Variants in SH3KBP1 observed in about 807,000 individuals in gnomAD.
SH3KBP1 encodes SH3 domain containing kinase binding protein 1, also known as SH3 domain-containing kinase-binding protein 1.
SH3KBP1 carries 8 observed loss-of-function variants against 50.1 expected under a neutral mutation model. The observed-to-expected ratio is 0.16, with a 90% CI of 0.09 to 0.29. The LOEUF is 0.29. Among genes scored for constraint, SH3KBP1 ranks in the 10% least tolerant of loss-of-function variants. SH3KBP1 has a pLI of 1.00. For missense variants in SH3KBP1, 377 were observed against 535.2 expected, an observed-to-expected ratio of 0.70 and a Z score of 2.92; for synonymous variants, 227 against 218.6, an observed-to-expected ratio of 1.04 and a Z score of -0.34.
intron 8 of SH3KBP1, among the ~76,000 whole-genome samples, chrX:19,609,311 A>G (rs1469527317): frequency 9.0e-6 from 1 of 111,721 alleles, no homozygotes; most frequent in Non-Finnish European, 1.9e-5. Context: ...CTTCCTGCCC[A>G]GTATATATAT....
At chrX:19,879,273 G>A (rs2069361836) in intron 1 of SH3KBP1, among the ~76,000 whole-genome samples, 2 of 111,689 alleles carry the variant, frequency 1.8e-5, no homozygotes, top group South Asian at 3.7e-4. Flanking sequence ...AACTTACTAC[G>A]GAAAGAGACT....
chrX:19,604,899 C>G (rs1410491005), intron 9 of SH3KBP1, among the ~76,000 whole-genome samples: 1 of 112,046 alleles, frequency 8.9e-6, no homozygotes, highest in East Asian at 2.8e-4. Context: ...ACGGGTATGA[C>G]TATTGTTTCC....
intron 1 of SH3KBP1, among the ~76,000 whole-genome samples, chrX:19,853,725 G>A (rs1339225736): frequency 9.0e-6 from 1 of 111,142 alleles, no homozygotes; most frequent in Admixed American, 9.5e-5. Context: ...CACTTTGGGA[G>A]GCCAAGGCGG....
chrX:19,616,275 T>C (rs1209793326), intron 8 of SH3KBP1, among the ~76,000 whole-genome samples: 1 of 111,981 alleles, frequency 8.9e-6, no homozygotes, highest in Non-Finnish European at 1.9e-5. Context: ...AGTCACTCAC[T>C]CTTTTGTAAT....
chrX:19,550,119 T>C, intron 13 of SH3KBP1, 36 bp from the exon 14 acceptor site: 1 of 944,280 alleles, frequency 1.1e-6, no homozygotes, highest in Non-Finnish European at 1.5e-6. Context: ...AGAGCCAAAA[T>C]AGGAGCAAAG....
At chrX:19,643,883 G>T (rs2061928209) in intron 7 of SH3KBP1, among the ~76,000 whole-genome samples, 1 of 111,778 alleles carries the variant, frequency 8.9e-6, no homozygotes, top group African/African-American at 3.3e-5. Flanking sequence ...TGAAGAGGAA[G>T]GCCAAAGGAA....
intron 2 of SH3KBP1, among the ~76,000 whole-genome samples, chrX:19,766,483 CTTTTTTTTTTTTTTTTTTTTTTTTTTT>C (rs61439964): frequency 4.4e-5 from 1 of 22,590 alleles, no homozygotes; most frequent in Non-Finnish European, 8.0e-5. Flanking sequence ...TTGATTGCAT[CTTTTTTTTTTTTTTTTTTTTTTTTTTT>C]TTTTTTTTTT....
At chrX:19,831,548 T>G (rs1305313551) in intron 2 of SH3KBP1, among the ~76,000 whole-genome samples, 1 of 105,935 alleles carries the variant, frequency 9.4e-6, no homozygotes, top group Non-Finnish European at 1.9e-5. Flanking sequence ...TCCCAGCACT[T>G]TGGGAGGCCG....
At chrX:19,670,307 A>G (rs1369611463) in intron 6 of SH3KBP1, 9 of 739,356 alleles carry the variant, frequency 1.2e-5, no homozygotes, top group Admixed American at 8.8e-5. Context: ...AGAAGTCACT[A>G]CTCACAGCTG....
intron 6 of SH3KBP1, among the ~76,000 whole-genome samples, chrX:19,660,409 T>C (rs953246335): frequency 2.7e-5 from 3 of 112,116 alleles, no homozygotes; most frequent in African/African-American, 9.7e-5. Flanking sequence ...CTTGGGGACT[T>C]ATGAGCAAGA....
intron 9 of SH3KBP1, among the ~76,000 whole-genome samples, chrX:19,605,191 T>C (rs954493401): frequency 2.7e-5 from 3 of 110,064 alleles, no homozygotes; most frequent in Non-Finnish European, 3.8e-5. Flanking sequence ...TGACTGGGAA[T>C]TAGAAGGCAT....
chrX:19,550,296 T>C (rs750035006), intron 13 of SH3KBP1, among the ~76,000 whole-genome samples: 1 of 111,937 alleles, frequency 8.9e-6, no homozygotes, highest in Non-Finnish European at 1.9e-5. Context: ...AGCTATTGCA[T>C]GGAAGAGAGA....
At chrX:19,811,288 C>A (rs2067199432) in intron 2 of SH3KBP1, among the ~76,000 whole-genome samples, 1 of 111,870 alleles carries the variant, frequency 8.9e-6, no homozygotes, top group African/African-American at 3.3e-5. Flanking sequence ...CCTTTCATAT[C>A]TGTGCCCATG....
chrX:19,878,505 T>TGTGTGTGAGA (rs1491094714), intron 1 of SH3KBP1, among the ~76,000 whole-genome samples: 1 of 48,214 alleles, frequency 2.1e-5, no homozygotes, highest in African/African-American at 6.0e-5. Context: ...TGTGTGTGTG[T>TGTGTGTGAGA]GAGAGAGAGA....
intron 13 of SH3KBP1, among the ~76,000 whole-genome samples, chrX:19,557,743 A>T (rs940500621): frequency 1.1e-4 from 12 of 112,031 alleles, no homozygotes; most frequent in African/African-American, 1.6e-4. Context: ...CTGAGCATAC[A>T]CTATGAGCTA....
Position 19,551,520 on chromosome X carries a change from A to ATTT in SH3KBP1, c.1385-1440_1385-1438dup, listed in dbSNP as rs1221200761. Among the ~76,000 whole-genome samples, 3 of 100,990 alleles carry ATTT rather than the reference A, an allele frequency of 3.0e-5. No individual in the cohort carries two copies. The South Asian group carries it at 1.3e-3, about 45-fold the overall frequency. The allele number at this position is 100,990 out of a possible 115,157, so 87.7% of individuals were successfully genotyped here. A position where few individuals can be genotyped will look rare whatever the true frequency, so the allele number is the denominator to read the frequency against. ...TTAAGAGAACCTTATTATTATTATT[A>ATTT]TTTTCTTTCTTTTCTTTCCCTCCCT... On this transcript the variant is annotated intron_variant, in intron 13 of 17. Coordinates refer to ENST00000397821, the MANE Select transcript of SH3KBP1 (RefSeq NM_031892.3).
At chrX:19,694,622 T>C (rs1287054222) in intron 5 of SH3KBP1, among the ~76,000 whole-genome samples, 2 of 110,796 alleles carry the variant, frequency 1.8e-5, no homozygotes, top group Non-Finnish European at 3.8e-5. Context: ...TATGTCAGGC[T>C]ACATCATCCA....
intron 2 of SH3KBP1, among the ~76,000 whole-genome samples, chrX:19,828,558 G>A (rs935778026): frequency 1.8e-5 from 2 of 110,860 alleles, no homozygotes; most frequent in Non-Finnish European, 3.8e-5. Context: ...GAGGCGGGCG[G>A]ATCACTTGAG....
intron 2 of SH3KBP1, among the ~76,000 whole-genome samples, chrX:19,830,352 A>T (rs910104058): frequency 1.8e-5 from 2 of 111,005 alleles, no homozygotes; most frequent in Non-Finnish European, 3.8e-5. Context: ...CAAAAAAAAA[A>T]AAATCATCAA....
Sources: allele counts gnomAD v4.1 joint callset (sites outside exome capture counted in the v4.1 genomes callset), GRCh38; gene constraint gnomAD v4.1.1; transcripts MANE v1.5; gene names NCBI Gene and HGNC (gene_info 2026-07-23, HGNC 2026-07-21).